The following KCNAB1 variants were observed in gnomAD, a reference collection of about 807,000 sequenced individuals.
KCNAB1 encodes potassium voltage-gated channel subfamily A regulatory beta subunit 1.
Under a neutral mutation model 64.6 loss-of-function variants are expected in KCNAB1, and 35 were observed. That is an observed-to-expected ratio of 0.54 (90% CI 0.41 to 0.72). KCNAB1 has a LOEUF of 0.72. Among genes scored for constraint, KCNAB1 ranks in the 30% least tolerant of loss-of-function variants. The pLI, the probability that KCNAB1 is intolerant of heterozygous loss-of-function variation, is 0.00. For missense variants in KCNAB1, 401 were observed against 512.9 expected (o/e 0.78, Z 2.11); for synonymous variants, 177 against 183.8 (o/e 0.96, Z 0.30).
At chr3:156,532,243 C>T (rs1166397119) in intron 13 of KCNAB1, among the ~76,000 whole-genome samples, 2 of 152,106 alleles carry the variant, frequency 1.3e-5, no homozygotes, top group Non-Finnish European at 2.9e-5. Context: ...TTCTGGGGAG[C>T]CTGTAGTGGC....
At chr3:156,318,829 G>A (rs1722468588) in intron 1 of KCNAB1, among the ~76,000 whole-genome samples, 1 of 152,088 alleles carries the variant, frequency 6.6e-6, no homozygotes, top group African/African-American at 2.4e-5. Flanking sequence ...ATGCTACTTG[G>A]CCATCTCATG....
intron 1 of KCNAB1, among the ~76,000 whole-genome samples, chr3:156,222,943 A>G (rs1365780210): frequency 6.6e-6 from 1 of 152,230 alleles, no homozygotes; most frequent in Non-Finnish European, 1.5e-5. Context: ...TGCTAAGAGG[A>G]AAGTTCATAG....
rs1717734657 is a variant in KCNAB1 at position 156,518,729 on chromosome 3, A to T, written c.960+2365A>T. ...ATCTAGGGCTCTTTTAGAAAGTAACACTCTTTTTCTGGATTTTCTGGGCCC... is the reference window on the plus strand; with the variant it reads ...ATCTAGGGCTCTTTTAGAAAGTAACTCTCTTTTTCTGGATTTTCTGGGCCC... On this transcript the variant is annotated intron_variant, in intron 11 of 13. Transcript: ENST00000490337. Among the ~76,000 whole-genome samples the T allele has an allele frequency of 3.3e-5, 5 of 151,898 alleles. 1 individual carries two copies. In the South Asian group the frequency reaches 1.0e-3, roughly 32 times the overall value.
At chr3:156,492,746 G>T (rs1295817910) in intron 8 of KCNAB1, among the ~76,000 whole-genome samples, 1 of 152,118 alleles carries the variant, frequency 6.6e-6, no homozygotes, top group African/African-American at 2.4e-5. Flanking sequence ...AAGATAGTGG[G>T]TGTTGAAGGA....
chr3:156,531,552 A>G, intron 13 of KCNAB1, 55 bp downstream of exon 13: 1 of 1,282,030 alleles, frequency 7.8e-7, no homozygotes, highest in Non-Finnish European at 1.1e-6. Context: ...CTTTGAGGCT[A>G]TCTCCAGGCA....
intron 1 of KCNAB1, among the ~76,000 whole-genome samples, chr3:156,394,131 A>G (rs2108174418): frequency 6.6e-6 from 1 of 152,336 alleles, no homozygotes; most frequent in African/African-American, 2.4e-5. Context: ...AATGAATATA[A>G]TGGGTTCAAA....
intron 1 of KCNAB1, among the ~76,000 whole-genome samples, chr3:156,136,143 G>T (rs1714333754): frequency 6.6e-6 from 1 of 152,198 alleles, no homozygotes; most frequent in Admixed American, 6.5e-5. Context: ...GTTAAAATTT[G>T]GATGGCAGTC....
intron 1 of KCNAB1, among the ~76,000 whole-genome samples, chr3:156,209,990 A>T (rs940741588): frequency 5.3e-5 from 8 of 152,236 alleles, no homozygotes; most frequent in African/African-American, 1.9e-4. Context: ...ATATTAATTT[A>T]AAACTACTAA....
chr3:156,527,827 A>G (rs1480508205), intron 12 of KCNAB1, among the ~76,000 whole-genome samples: 6 of 152,236 alleles, frequency 3.9e-5, no homozygotes, highest in Non-Finnish European at 8.8e-5. Context: ...GGCAGAAAGC[A>G]AACTACTTGA....
At position 156,536,642 on chromosome 3, in the gene KCNAB1, C is replaced by T. The variant is rs1237075791; in HGVS notation, c.1171-16C>T. 1.3e-6 allele frequency: 2 copies of T among 1,554,742 alleles called. No homozygotes were observed. The highest frequency in any genetic ancestry group is 1.7e-5 in the Admixed American group (1 of 59,940). On this transcript the variant is annotated splice_polypyrimidine_tract_variant and intron_variant, in intron 13 of 13. Transcript: ENST00000490337. ...ACTGCTAACAATATCCTTTGTACTT[C>T]TCCTCCTGCTCTCAGGTTCTCCCAA... is the stretch of plus-strand genomic sequence containing the variant.
chr3:156,467,919 G>A (rs1333325793), intron 7 of KCNAB1, among the ~76,000 whole-genome samples: 1 of 152,110 alleles, frequency 6.6e-6, no homozygotes, highest in Non-Finnish European at 1.5e-5. Flanking sequence ...GTGAGTTTGA[G>A]CTTCTTTTAA....
At chr3:156,395,925 AC>A (rs1713433209) in intron 1 of KCNAB1, among the ~76,000 whole-genome samples, 2 of 152,214 alleles carry the variant, frequency 1.3e-5, no homozygotes, top group Non-Finnish European at 2.9e-5. Flanking sequence ...TGTAGAAAAT[AC>A]CTACTCAGTC....
chr3:156,537,247 A>C lies in KCNAB1; in HGVS notation c.*500A>C. On this transcript the variant is annotated 3_prime_UTR_variant, in exon 14 of 14. Coordinates refer to ENST00000490337, the MANE Select transcript of KCNAB1 (RefSeq NM_172160.3). ...TAAAAATATATCTCACTGCAAAAAA[A>C]AAAAAGCAGTATCTTCACTCAAAAG... 1 of 391,616 alleles carries C rather than the reference A, an allele frequency of 2.6e-6. No homozygotes were observed. The highest frequency in any genetic ancestry group is 4.5e-6 in the Non-Finnish European group (1 of 222,378). The allele number at this position is 391,616 out of a possible 1,614,324, so 24.3% of individuals were successfully genotyped here. A position where few individuals can be genotyped will look rare whatever the true frequency, so the allele number is the denominator to read the frequency against.
intron 1 of KCNAB1, among the ~76,000 whole-genome samples, chr3:156,257,374 T>G (rs1220934595): frequency 6.6e-6 from 1 of 152,114 alleles, no homozygotes; most frequent in African/African-American, 2.4e-5. Flanking sequence ...TCAATGTTAA[T>G]AAAAACCCAA....
chr3:156,218,144 T>A (rs1201896692), intron 1 of KCNAB1: 1 of 152,240 alleles, frequency 6.6e-6, no homozygotes, highest in Non-Finnish European at 1.5e-5. Flanking sequence ...GGTGCTGTTG[T>A]GGGGACATGG....
At chr3:156,501,172 G>A (rs946604603) in intron 8 of KCNAB1, among the ~76,000 whole-genome samples, 2 of 152,018 alleles carry the variant, frequency 1.3e-5, no homozygotes, top group Admixed American at 6.5e-5. Flanking sequence ...TCTCCTCCTC[G>A]GGGAACTGCT....
At chr3:156,315,464 C>T (rs900699572) in intron 1 of KCNAB1, among the ~76,000 whole-genome samples, 10 of 152,242 alleles carry the variant, frequency 6.6e-5, no homozygotes, top group African/African-American at 2.2e-4. Context: ...TGGAATTCCT[C>T]ATGACCTGAG....
chr3:156,436,285 A>G (rs1464249062), intron 2 of KCNAB1, among the ~76,000 whole-genome samples: 1 of 152,204 alleles, frequency 6.6e-6, no homozygotes, highest in Non-Finnish European at 1.5e-5. Flanking sequence ...CATGGTATAT[A>G]TATACCAGAT....
At chr3:156,401,872 T>A (rs1180609181) in intron 1 of KCNAB1, among the ~76,000 whole-genome samples, 1 of 151,216 alleles carries the variant, frequency 6.6e-6, no homozygotes, top group Non-Finnish European at 1.5e-5. Context: ...TTTCCAACTT[T>A]TTTTTTTTTT....
Sources: gnomAD v4.1 joint callset for allele counts (sites outside exome capture counted in the v4.1 genomes callset) on GRCh38, gnomAD v4.1.1 for gene constraint, MANE v1.5 for transcripts, NCBI Gene and HGNC (gene_info 2026-07-23, HGNC 2026-07-21) for gene names.